SYT9: variants seen among roughly 807,000 people sequenced by gnomAD.
The protein encoded by SYT9 is synaptotagmin 9.
SYT9 carries 22 observed loss-of-function variants against 48.4 expected under a neutral mutation model. That is an observed-to-expected ratio of 0.45 (90% confidence interval 0.32 to 0.65). SYT9 has a LOEUF of 0.65. Among genes scored for constraint, SYT9 ranks in the 30% least tolerant of loss-of-function variants. SYT9 has a pLI of 0.03. For missense variants in SYT9, 577 were observed against 622.0 expected, an observed-to-expected ratio of 0.93 and a Z score of 0.77; for synonymous variants, 265 against 245.0, an observed-to-expected ratio of 1.08 and a Z score of -0.76.
intron 3 of SYT9, among the ~76,000 whole-genome samples, chr11:7,413,475 G>A (rs1392117038): frequency 1.3e-5 from 2 of 151,728 alleles, no homozygotes; most frequent in Non-Finnish European, 2.9e-5. Flanking sequence ...TGTGAGGATC[G>A]AGGGGCTCTC....
In SYT9 at chr11:7,467,937, C is replaced by T. The variant is rs1278032622; in HGVS notation, c.*1137C>T. On this transcript the variant is annotated 3_prime_UTR_variant, in exon 7 of 7. Transcript: ENST00000318881. ...AGGCATCTCATTCATTACTCAGCTT[C>T]CTTCCTGACCAAGTCTGCCAACCAA... 3 of 229,394 alleles carry T rather than the reference C, an allele frequency of 1.3e-5. No individual in the cohort carries two copies. Among genetic ancestry groups the T allele is most frequent in the Non-Finnish European group, 2.5e-5 (3 of 119,100 alleles). The allele number at this position is 229,394 out of a possible 1,614,324, so 14.2% of individuals were successfully genotyped here. A position where few individuals can be genotyped will look rare whatever the true frequency, so the allele number is the denominator to read the frequency against.
chr11:7,394,870 TG>T (rs1420251766), intron 3 of SYT9, among the ~76,000 whole-genome samples: 1 of 152,150 alleles, frequency 6.6e-6, no homozygotes, highest in African/African-American at 2.4e-5. Context: ...TTGGGTATGT[TG>T]TTTCTCCGTT....
intron 3 of SYT9, among the ~76,000 whole-genome samples, chr11:7,370,484 T>G (rs928716320): frequency 2.0e-5 from 3 of 152,082 alleles, no homozygotes; most frequent in Non-Finnish European, 4.4e-5. Context: ...CTTTCTAAGG[T>G]GATGGTAATG....
intron 1 of SYT9, among the ~76,000 whole-genome samples, chr11:7,291,791 A>T (rs1335764827): frequency 4.6e-5 from 7 of 152,176 alleles, no homozygotes; most frequent in Admixed American, 4.6e-4. Flanking sequence ...GACAGCATGT[A>T]TGCAGTTCTG....
chr11:7,279,796 T>G (rs1220619198), intron 1 of SYT9, among the ~76,000 whole-genome samples: 1 of 152,220 alleles, frequency 6.6e-6, no homozygotes, highest in African/African-American at 2.4e-5. Context: ...GGTTCATTTT[T>G]TATATATGAT....
chr11:7,252,458 A>G lies in SYT9; in HGVS notation c.145+127A>G. 5 of 1,050,324 alleles carry G rather than the reference A, an allele frequency of 4.8e-6. No homozygotes were observed. Among genetic ancestry groups the G allele is most frequent in the South Asian group, 2.5e-5 (1 of 39,368 alleles). 65.1% of individuals were successfully genotyped at this position (1,050,324 alleles called of 1,614,324 possible). A position where few individuals can be genotyped will look rare whatever the true frequency, so the allele number is the denominator to read the frequency against. On this transcript the variant is annotated intron_variant, in intron 1 of 6. Coordinates refer to ENST00000318881, the MANE Select transcript of SYT9 (RefSeq NM_175733.4). The surrounding 1 kb of genome is among the most constrained non-coding windows in gnomAD (Gnocchi z 6.3). ...GGCGGGGGGCGGCCACCGAGCCAGGAGAGTGATCAAGAACCAGCGCACTGT... is the reference window on the plus strand; with the variant it reads ...GGCGGGGGGCGGCCACCGAGCCAGGGGAGTGATCAAGAACCAGCGCACTGT...
chr11:7,286,961 C>T (rs558417984), intron 1 of SYT9, among the ~76,000 whole-genome samples: 32 of 152,368 alleles, frequency 2.1e-4, no homozygotes, highest in African/African-American at 7.2e-4. Context: ...ACTCTTCCAA[C>T]TGCTGCCTGT....
chr11:7,376,664 C>T (rs1450250760), intron 3 of SYT9, among the ~76,000 whole-genome samples: 1 of 152,054 alleles, frequency 6.6e-6, no homozygotes, highest in Non-Finnish European at 1.5e-5. Flanking sequence ...CTAGAAAGGC[C>T]TGTTAGTCTC....
chr11:7,358,999 C>A (rs894836905), intron 3 of SYT9, among the ~76,000 whole-genome samples: 5 of 152,002 alleles, frequency 3.3e-5, no homozygotes, highest in African/African-American at 1.2e-4. Flanking sequence ...ATTCCTCCCC[C>A]CTCCCCTCAC....
chr11:7,242,241 G>T (rs556840794), intron 1 of SYT9, among the ~76,000 whole-genome samples: 2 of 152,310 alleles, frequency 1.3e-5, no homozygotes, highest in Non-Finnish European at 2.9e-5. Context: ...CTGCAGAGTT[G>T]GTGAAGGCAT....
upstream of SYT9, among the ~76,000 whole-genome samples, chr11:7,247,046 C>T (rs544168965): frequency 1.3e-5 from 2 of 152,322 alleles, no homozygotes; most frequent in Non-Finnish European, 2.9e-5. Context: ...GCTGCCTTCT[C>T]ACTGTGTCCT....
chr11:7,433,742 A>G (rs1282590009), intron 6 of SYT9, among the ~76,000 whole-genome samples: 4 of 152,254 alleles, frequency 2.6e-5, no homozygotes, highest in African/African-American at 7.2e-5. Context: ...CATGAGGCAG[A>G]GAGCTAGCAC....
At chr11:7,454,004 A>G (rs1339084175) in intron 6 of SYT9, 2 of 985,282 alleles carry the variant, frequency 2.0e-6, no homozygotes, top group African/African-American at 3.5e-5. Context: ...TTGACAGGCC[A>G]GAGGCTCCCA....
chr11:7,305,469 T>A (rs187902372), intron 2 of SYT9, among the ~76,000 whole-genome samples: 96 of 152,304 alleles, frequency 6.3e-4, no homozygotes, highest in African/African-American at 2.3e-3. Context: ...GTCTTCTAAT[T>A]CTTTGAGGAT....
chr11:7,388,003 T>C (rs1850693373), intron 3 of SYT9, among the ~76,000 whole-genome samples: 1 of 152,200 alleles, frequency 6.6e-6, no homozygotes, highest in Admixed American at 6.6e-5. Context: ...GTACCCAAAA[T>C]ATTATGTCTA....
chr11:7,374,291 T>C (rs569054355), intron 3 of SYT9, among the ~76,000 whole-genome samples: 2 of 152,220 alleles, frequency 1.3e-5, no homozygotes, highest in Non-Finnish European at 2.9e-5. Context: ...ATGGTGTATA[T>C]GTGCCACATT....
chr11:7,272,059 G>A (rs1312983069), intron 1 of SYT9, among the ~76,000 whole-genome samples: 1 of 151,878 alleles, frequency 6.6e-6, no homozygotes, highest in Non-Finnish European at 1.5e-5. Flanking sequence ...ACATATCCTG[G>A]GCAGTCCATG....
intron 3 of SYT9, among the ~76,000 whole-genome samples, chr11:7,344,616 A>G (rs1471304598): frequency 6.6e-6 from 1 of 152,216 alleles, no homozygotes; most frequent in East Asian, 1.9e-4. Context: ...TTGTGAATGC[A>G]TATGTGTGTG....
intron 3 of SYT9, among the ~76,000 whole-genome samples, chr11:7,368,735 G>A (rs956776090): frequency 6.6e-6 from 1 of 152,150 alleles, no homozygotes; most frequent in Non-Finnish European, 1.5e-5. Context: ...TGGTGTATAT[G>A]TGCCACATTT....
Sources: gnomAD v4.1 joint callset for allele counts (sites outside exome capture counted in the v4.1 genomes callset) on GRCh38, gnomAD v4.1.1 for gene constraint, Gnocchi (gnomAD v3.1) non-coding constraint, MANE v1.5 for transcripts, NCBI Gene and HGNC (gene_info 2026-07-23, HGNC 2026-07-21) for gene names.